ZW10: variants seen among roughly 807,000 people sequenced by gnomAD.
ZW10 encodes the protein centromere/kinetochore protein zw10 homolog.
In ZW10, 53 loss-of-function variants were observed where a neutral mutation model predicts 87.8. That is an observed-to-expected ratio of 0.60 (90% CI 0.48 to 0.76). The LOEUF (loss-of-function observed/expected upper bound fraction) is 0.76. Among genes scored for constraint, ZW10 ranks in the 30% least tolerant of loss-of-function variants. The pLI is 0.00. For synonymous variants in ZW10, 312 were observed against 329.2 expected (o/e 0.95, Z 0.57); for missense variants, 837 against 923.0 (o/e 0.91, Z 1.21).
At chr11:113,762,145 T>C (rs1421027944) in intron 2 of ZW10, among the ~76,000 whole-genome samples, 3 of 152,250 alleles carry the variant, frequency 2.0e-5, no homozygotes, top group Non-Finnish European at 4.4e-5. Context: ...CCAAATGGTA[T>C]GTCCTACTAT....
At chr11:113,756,151 C>T (rs951278482) in intron 7 of ZW10, among the ~76,000 whole-genome samples, 1 of 152,032 alleles carries the variant, frequency 6.6e-6, no homozygotes, top group East Asian at 1.9e-4. Context: ...TGATCCAATA[C>T]AACTGGTGTC....
chr11:113,770,571 C>T (rs11214722), intron 1 of ZW10: 1 of 151,742 alleles, frequency 6.6e-6, no homozygotes, highest in East Asian at 2.0e-4. Flanking sequence ...AATCCCAGCA[C>T]TTTGGGAAGC....
intron 2 of ZW10, among the ~76,000 whole-genome samples, chr11:113,766,698 ATTAATTTTT>A (rs1953910755): frequency 8.4e-6 from 1 of 119,446 alleles, no homozygotes; most frequent in African/African-American, 3.2e-5. Context: ...AAAAAAAAAA[ATTAATTTTT>A]AAAAATTAAA....
At chr11:113,757,616 A>G (rs1353032391) in intron 7 of ZW10, 46 bp downstream of exon 7, 3 of 1,282,236 alleles carry the variant, frequency 2.3e-6, no homozygotes, top group African/African-American at 3.0e-5. Context: ...TTTATAAACA[A>G]TATTTAGTTT....
Position 113,741,726 on chromosome 11 carries a change from A to G in ZW10, c.1551T>C (p.His517=). ...QLFYSVRNIF[H]LFHDVVPTYH... is the part of the protein sequence containing the mutation. ...ATGTTGGTACAACATCATGGAACAA[A>G]TGGAAGATATTCCTCACTGAGTAGA... Residue 517 remains histidine, a synonymous_variant, in exon 11 of 16, where the codon CAT becomes CAC. Coordinates refer to ENST00000200135, the MANE Select transcript of ZW10 (RefSeq NM_004724.4). 1 of 1,608,702 alleles carries G rather than the reference A, an allele frequency of 6.2e-7. No homozygotes were observed. The highest frequency in any genetic ancestry group is 1.3e-5 in the African/African-American group (1 of 74,888).
chr11:113,747,884 A>C (rs956272024), intron 8 of ZW10, among the ~76,000 whole-genome samples, 171 bp from the exon 9 acceptor site: 1 of 152,206 alleles, frequency 6.6e-6, no homozygotes, highest in Non-Finnish European at 1.5e-5. Context: ...ATTCATTAGA[A>C]AGAATATCTT....
intron 7 of ZW10, among the ~76,000 whole-genome samples, chr11:113,755,276 T>C (rs573218975): frequency 1.9e-4 from 29 of 152,276 alleles, no homozygotes; most frequent in African/African-American, 6.0e-4. Context: ...TCATGATTCA[T>C]GGGAGGAGGT....
chr11:113,736,645 C>T lies in ZW10; in HGVS notation c.2194G>A (p.Ala732Thr). The change falls in exon 15 of 16, where the codon GCC (alanine) becomes ACC (threonine). Residue 732 changes from alanine to threonine, a missense_variant. Physicochemically the swap from Ala to Thr is moderately conservative, Grantham distance 58. Coordinates refer to ENST00000200135, the MANE Select transcript of ZW10 (RefSeq NM_004724.4). ...PFKELMMMLQ[A>T]SLQEIGDRWA... is the part of the protein sequence containing the mutation. ...CGATCCCCAATTTCTTGCAAGCTGG[C>T]TTGTAGCATCATCATCAATTCCTTG... 6.2e-7 allele frequency: 1 copy of T among 1,614,200 alleles called. No homozygotes were observed.
chr11:113,740,895 A>C (rs1953608608), intron 11 of ZW10, among the ~76,000 whole-genome samples: 1 of 152,254 alleles, frequency 6.6e-6, no homozygotes, highest in African/African-American at 2.4e-5. Flanking sequence ...CCTGTCTTTA[A>C]ATCCCCAAGG....
At chr11:113,773,500 A>G in intron 1 of ZW10, 62 bp downstream of exon 1, 3 of 1,433,630 alleles carry the variant, frequency 2.1e-6, no homozygotes, top group Non-Finnish European at 2.9e-6. Flanking sequence ...TCCTCTCTCC[A>G]GTCCCTTCAC....
At chr11:113,740,831 C>T (rs1953607602) in intron 11 of ZW10, among the ~76,000 whole-genome samples, 1 of 152,198 alleles carries the variant, frequency 6.6e-6, no homozygotes, top group African/African-American at 2.4e-5. Context: ...TTCTGATGCA[C>T]ACTAAAGTTC....
intron 8 of ZW10, among the ~76,000 whole-genome samples, chr11:113,747,933 G>A (rs917554989): frequency 6.6e-6 from 1 of 151,908 alleles, no homozygotes; most frequent in Admixed American, 6.6e-5. Context: ...AAAATAGAAA[G>A]ATCTTTAAAA....
chr11:113,772,818 CAAAAAAA>C (rs58651654), intron 1 of ZW10, among the ~76,000 whole-genome samples: 2,742 of 93,536 alleles, frequency 0.029, 93 homozygotes, highest in African/African-American at 0.098. Flanking sequence ...ACTAAAAATA[CAAAAAAA>C]AAAAAAAAAA....
chr11:113,741,097 AAAATACTTT>A (rs1397401848), intron 11 of ZW10, among the ~76,000 whole-genome samples: 10 of 150,618 alleles, frequency 6.6e-5, no homozygotes, highest in Admixed American at 6.6e-4. Context: ...TCTGAACTAA[AAAATACTTT>A]AAATAGTAAA....
At chr11:113,764,779 G>A (rs928748608) in intron 2 of ZW10, among the ~76,000 whole-genome samples, 1 of 152,184 alleles carries the variant, frequency 6.6e-6, no homozygotes, top group African/African-American at 2.4e-5. Flanking sequence ...ACAGTACTGT[G>A]TTAACTTTCC....
chr11:113,736,481 G>C, intron 15 of ZW10, 139 bp downstream of exon 15: 1 of 771,100 alleles, frequency 1.3e-6, no homozygotes, highest in African/African-American at 1.7e-5. Flanking sequence ...ATCATGAAAA[G>C]GCCCCAGCTA....
Position 113,747,649 on chromosome 11 carries a change from G to A in ZW10, c.1154C>T (p.Thr385Ile), listed in dbSNP as rs759714682. 6.2e-7 allele frequency: 1 copy of A among 1,613,356 alleles called. No homozygotes were observed. The highest frequency in any genetic ancestry group is 8.5e-7 in the Non-Finnish European group (1 of 1,179,560). ...ACGAGCGTATTTCAGCAAATCTGTA[G>A]TATCTCCTTTTAAAAATCTCATTTC... The part of the protein sequence containing the change: ...LKEMRFLKGD[T>I]TDLLKYARNI... The change falls in exon 9 of 16, where the codon ACT becomes ATT. Residue 385 changes from threonine to isoleucine, a missense_variant. Thr to Ile is a moderately conservative substitution (Grantham distance 89). Transcript: ENST00000200135.
At chr11:113,760,620 T>G (rs1314444767) in intron 3 of ZW10, 30 bp from the exon 4 acceptor site, 7 of 1,541,314 alleles carry the variant, frequency 4.5e-6, no homozygotes, top group African/African-American at 4.1e-5. Flanking sequence ...ATTTTATACA[T>G]CCTATTATTT....
rs750130433 is a variant in ZW10, at chr11:113,768,785, C to G, written c.240+48G>C. Reference sequence around the variant, plus strand: ...TTAAGCTGTCTTAGCAATCAGGAAGCTGAACCACCTCCCTACAAACCTACC... The same window carrying G: ...TTAAGCTGTCTTAGCAATCAGGAAGGTGAACCACCTCCCTACAAACCTACC... On this transcript the variant is annotated intron_variant, in intron 2 of 15. Transcript: ENST00000200135. The G allele has an allele frequency of 5.0e-6, 8 of 1,594,572 alleles. No individual in the cohort carries two copies. The Admixed American group carries it at 1.2e-4, about 24-fold the overall frequency.
Sources: gnomAD v4.1 joint callset for allele counts (sites outside exome capture counted in the v4.1 genomes callset) on GRCh38, gnomAD v4.1.1 for gene constraint, MANE v1.5 for transcripts, NCBI Gene and HGNC (gene_info 2026-07-23, HGNC 2026-07-21) for gene names.